ATP7B: variants seen among roughly 807,000 people sequenced by gnomAD.
ATP7B encodes ATPase copper transporting beta.
Under a neutral mutation model 118.9 loss-of-function variants are expected in ATP7B, and 113 were observed. The ratio of observed to expected loss-of-function variants is 0.95; its 90% CI spans 0.82 to 1.11. The LOEUF (loss-of-function observed/expected upper bound fraction) is 1.11. ATP7B is among the 50% of genes most tolerant of loss of function. The pLI, the probability that ATP7B is intolerant of heterozygous loss-of-function variation, is 0.00. For synonymous variants in ATP7B, 777 were observed against 727.4 expected (o/e 1.07, Z -1.10); for missense variants, 1,867 against 1,871.4 (o/e 1.00, Z 0.04).
chr13:51,957,507 A>G lies in ATP7B; in HGVS notation c.2447+9T>C, dbSNP rs777986992. 3 of 1,611,606 alleles carry G rather than the reference A, an allele frequency of 1.9e-6. No homozygotes were observed. Among genetic ancestry groups the G allele is most frequent in the Non-Finnish European group, 1.7e-6 (2 of 1,177,772 alleles). ...CCAACCACAAAGACATTTGATAACC[A>G]TAACTCACCTGATGATTAAATTGTC... On this transcript the variant is annotated intron_variant, in intron 9 of 20. Transcript: ENST00000242839.
At chr13:51,986,020 A>G (rs1280878997) in intron 1 of ATP7B, among the ~76,000 whole-genome samples, 1 of 152,228 alleles carries the variant, frequency 6.6e-6, no homozygotes, top group Non-Finnish European at 1.5e-5. Context: ...CAGCAAGCGC[A>G]AAGAAATTCA....
intron 1 of ATP7B, among the ~76,000 whole-genome samples, chr13:52,010,276 G>A (rs1262197261): frequency 5.3e-5 from 8 of 152,160 alleles, no homozygotes; most frequent in Non-Finnish European, 1.0e-4. Flanking sequence ...GAGCCTAGAT[G>A]AATTCACTAC....
chr13:51,946,274 A>C lies in ATP7B; in HGVS notation c.3060+10T>G. Reference sequence around the variant, plus strand: ...CTCTCAGGATGGGGAAAGCCGTGCTACAGGCTGACCTTGTGCGCCATCTCC... The same window carrying C: ...CTCTCAGGATGGGGAAAGCCGTGCTCCAGGCTGACCTTGTGCGCCATCTCC... On this transcript the variant is annotated intron_variant, in intron 13 of 20. Transcript: ENST00000242839. 1 of 1,571,330 alleles carries C rather than the reference A, an allele frequency of 6.4e-7. No homozygotes were observed. Among genetic ancestry groups the C allele is most frequent in the Non-Finnish European group, 8.6e-7 (1 of 1,158,080 alleles).
intron 8 of ATP7B, chr13:51,957,908 C>A: frequency 2.1e-6 from 1 of 467,324 alleles, no homozygotes; most frequent in East Asian, 4.3e-5. Context: ...TCTTTTAGGG[C>A]CTGAGTTCCA....
intron 7 of ATP7B, chr13:51,958,979 TAA>T: frequency 4.6e-6 from 1 of 216,420 alleles, no homozygotes; most frequent in South Asian, 8.0e-5. Flanking sequence ...CCATTTCAGT[TAA>T]AAAAGTCTGT....
intron 15 of ATP7B, among the ~76,000 whole-genome samples, chr13:51,941,790 G>A (rs1015375533): frequency 6.6e-6 from 1 of 152,180 alleles, no homozygotes; most frequent in African/African-American, 2.4e-5. Context: ...GGTTTTAAAG[G>A]CTGGAAGGTG....
chr13:51,937,466 C>G lies in ATP7B; in HGVS notation c.3903+10G>C, dbSNP rs1427171154. ...CCCAGCACCCACAGCCTGGCTGCAGCCACGCTCACTCTGATAAGGACGACG... is the reference window on the plus strand; with the variant it reads ...CCCAGCACCCACAGCCTGGCTGCAGGCACGCTCACTCTGATAAGGACGACG... On this transcript the variant is annotated intron_variant, in intron 18 of 20. Transcript: ENST00000242839. 2 of 1,614,128 alleles carry G rather than the reference C, an allele frequency of 1.2e-6. No homozygotes were observed. Among genetic ancestry groups the G allele is most frequent in the Admixed American group, 1.7e-5 (1 of 60,032 alleles).
At chr13:51,959,263 C>A (rs765481696) in intron 7 of ATP7B, 1 of 152,998 alleles carries the variant, frequency 6.5e-6, no homozygotes, top group Non-Finnish European at 1.5e-5. Flanking sequence ...GGTGCAGTGG[C>A]TCACACCTGT....
intron 1 of ATP7B, among the ~76,000 whole-genome samples, chr13:52,000,434 C>T (rs1049662400): frequency 2.0e-5 from 3 of 152,200 alleles, no homozygotes; most frequent in Admixed American, 1.3e-4. Context: ...AAGTCCTCAC[C>T]TCCTAATACC....
At chr13:51,989,682 A>G (rs867251701) in intron 1 of ATP7B, among the ~76,000 whole-genome samples, 6 of 152,214 alleles carry the variant, frequency 3.9e-5, no homozygotes, top group South Asian at 2.1e-4. Context: ...AGCACTTCAC[A>G]ATATTATCTT....
intron 12 of ATP7B, 81 bp from the exon 13 acceptor site, chr13:51,946,559 AG>A: frequency 5.3e-6 from 8 of 1,516,438 alleles, no homozygotes; most frequent in Non-Finnish European, 7.3e-6. Context: ...AGGACATTTC[AG>A]GGGGGCACTG....
chr13:51,975,363 C>T (rs1325028218), intron 1 of ATP7B, 195 bp from the exon 2 acceptor site: 11 of 790,854 alleles, frequency 1.4e-5, no homozygotes, highest in Non-Finnish European at 2.2e-5. Flanking sequence ...ACATTCTTCT[C>T]TGACAGAAGC....
chr13:51,996,683 C>T (rs1326298760), intron 1 of ATP7B, among the ~76,000 whole-genome samples: 1 of 152,212 alleles, frequency 6.6e-6, no homozygotes, highest in African/African-American at 2.4e-5. Flanking sequence ...TTAACACTGT[C>T]ATCCCTGCCC....
intron 1 of ATP7B, among the ~76,000 whole-genome samples, chr13:51,993,376 T>C (rs746937595): frequency 1.2e-4 from 18 of 152,084 alleles, no homozygotes; most frequent in Non-Finnish European, 2.1e-4. Context: ...GAGACCAGCC[T>C]GGGCAACATA....
chr13:51,939,075 CTTCCGGT>C lies in ATP7B; in HGVS notation c.3668_3674del (p.Asn1223ArgfsTer105), dbSNP rs755012990. The C allele has an allele frequency of 1.2e-6, 2 of 1,614,250 alleles. No individual in the cohort carries two copies. Among genetic ancestry groups the C allele is most frequent in the Admixed American group, 3.3e-5 (2 of 60,036 alleles). On this transcript the variant is annotated frameshift_variant, in exon 17 of 21. Coordinates refer to ENST00000242839, the MANE Select transcript of ATP7B (RefSeq NM_000053.4). LOFTEE classifies it high-confidence loss of function. ...CCTGGGTGGCAATAGCTCTGGCTGTCTTCCGGTTGTCCCCCGTGATCAGAACCACGTC... is the reference window on the plus strand; with the variant it reads ...CCTGGGTGGCAATAGCTCTGGCTGTCTGTCCCCCGTGATCAGAACCACGTC...
intron 13 of ATP7B, among the ~76,000 whole-genome samples, chr13:51,946,053 C>T (rs1957629358): frequency 6.6e-6 from 1 of 152,202 alleles, no homozygotes; most frequent in South Asian, 2.1e-4. Flanking sequence ...AAGCACCTAC[C>T]ACACAGAGTT....
chr13:51,935,785 G>T, intron 19 of ATP7B, 90 bp from the exon 20 acceptor site: 1 of 1,200,600 alleles, frequency 8.3e-7, no homozygotes, highest in Non-Finnish European at 1.2e-6. Flanking sequence ...ACCCTCAGCG[G>T]CCCCCAGTGA....
In ATP7B at chr13:51,961,890, CA is replaced by C; in HGVS notation, c.1892del (p.Leu631ArgfsTer17). On this transcript the variant is annotated frameshift_variant, in exon 6 of 21. Transcript: ENST00000242839. LOFTEE classifies it high-confidence loss of function. ...GATGAGCGTTGGGGTTTCTCTGGGCCAGGGAAGCATGAAAGCCAATTTCCTT... is the reference window on the plus strand; with the variant it reads ...GATGAGCGTTGGGGTTTCTCTGGGCCGGGAAGCATGAAAGCCAATTTCCTT... ...IIEEIGFHAS[L>X]AQRNPNAHHL... 1 of 1,613,492 alleles carries C rather than the reference CA, an allele frequency of 6.2e-7. No individual in the cohort carries two copies. The highest frequency in any genetic ancestry group is 8.5e-7 in the Non-Finnish European group (1 of 1,179,838).
intron 15 of ATP7B, among the ~76,000 whole-genome samples, chr13:51,941,747 G>A (rs1957346545): frequency 6.6e-6 from 1 of 152,170 alleles, no homozygotes; most frequent in Admixed American, 6.5e-5. Context: ...GAACGGCCAG[G>A]CTCTGGAAGC....
Sources: gnomAD v4.1 joint callset for allele counts (sites outside exome capture counted in the v4.1 genomes callset) on GRCh38, gnomAD v4.1.1 for gene constraint, MANE v1.5 for transcripts, NCBI Gene and HGNC (gene_info 2026-07-23, HGNC 2026-07-21) for gene names.